The following DHX57 variants were observed in gnomAD, a reference collection of about 807,000 sequenced individuals.
DHX57 encodes the protein DExH-box helicase 57, also known as putative ATP-dependent RNA helicase DHX57.
A neutral mutation model predicts 156.2 loss-of-function variants in DHX57; 105 were observed. The observed-to-expected ratio is 0.67, with a 90% CI of 0.57 to 0.79. The LOEUF (loss-of-function observed/expected upper bound fraction) is 0.79. DHX57 is among the 30% of genes least tolerant of loss of function. The pLI is 0.00. For missense variants in DHX57, 1,847 were observed against 1,661.9 expected, an observed-to-expected ratio of 1.11 and a Z score of -1.94; for synonymous variants, 704 against 595.6, an observed-to-expected ratio of 1.18 and a Z score of -2.65.
chr2:38,822,207 C>T (rs912996162), intron 17 of DHX57, among the ~76,000 whole-genome samples: 4 of 151,886 alleles, frequency 2.6e-5, no homozygotes, highest in African/African-American at 4.8e-5. Flanking sequence ...CTCAGCCTCC[C>T]GAGTAGCTGA....
chr2:38,855,273 G>A (rs776100200), intron 7 of DHX57, 21 bp from the exon 8 acceptor site: 1 of 1,613,182 alleles, frequency 6.2e-7, no homozygotes, highest in Admixed American at 1.7e-5. Context: ...AAACAAATAA[G>A]TCCTAAAATG....
intron 17 of DHX57, among the ~76,000 whole-genome samples, chr2:38,821,991 G>T (rs1015101133): frequency 6.6e-6 from 1 of 152,108 alleles, no homozygotes; most frequent in Non-Finnish European, 1.5e-5. Context: ...TGAAGAGATT[G>T]AATTAATAAT....
intron 13 of DHX57, among the ~76,000 whole-genome samples, chr2:38,829,196 G>A (rs917219573): frequency 6.6e-6 from 1 of 151,892 alleles, no homozygotes; most frequent in Non-Finnish European, 1.5e-5. Flanking sequence ...ACCCGCCTCA[G>A]CCTACCAAAA....
chr2:38,822,330 C>T (rs1036433207), intron 17 of DHX57, among the ~76,000 whole-genome samples: 1 of 152,172 alleles, frequency 6.6e-6, no homozygotes, highest in African/African-American at 2.4e-5. Context: ...ATCCACCTGC[C>T]TCGGCCTCCC....
Position 38,798,308 on chromosome 2 carries a change from G to A in DHX57, c.4152C>T (p.Thr1384=), listed in dbSNP as rs937448278. The part of the protein sequence containing the change: ...RIISTIVKLV[T]TQ ...TCTCTAAGACTGCTTTTTATTGTGT[G>A]GTGACAAGTTTCACAATTGTGCTGA... The change falls in exon 24 of 24, where the codon ACC becomes ACT. Residue 1384 remains threonine (T), a synonymous_variant. Coordinates refer to ENST00000457308, the MANE Select transcript of DHX57 (RefSeq NM_198963.3). The A allele has an allele frequency of 6.2e-7, 1 of 1,612,488 alleles. No individual in the cohort carries two copies. Among genetic ancestry groups the A allele is most frequent in the Middle Eastern group, 1.7e-4 (1 of 6,052 alleles).
At chr2:38,810,431 G>A (rs1670180240) in intron 21 of DHX57, 1 of 526,334 alleles carries the variant, frequency 1.9e-6, no homozygotes, top group Non-Finnish European at 3.8e-6. Flanking sequence ...ATTGTACAGG[G>A]GTCTATTTGG....
intron 12 of DHX57, among the ~76,000 whole-genome samples, 179 bp downstream of exon 12, chr2:38,842,826 T>G (rs1672077140): frequency 6.6e-6 from 1 of 152,022 alleles, no homozygotes; most frequent in African/African-American, 2.4e-5. Flanking sequence ...GCAAATATAG[T>G]AACAATTGTA....
intron 22 of DHX57, chr2:38,806,338 G>A: frequency 2.1e-6 from 1 of 467,570 alleles, no homozygotes; most frequent in East Asian, 3.5e-5. Context: ...CTGAAAGCAG[G>A]CTTGAGTACT....
chr2:38,811,465 C>T (rs1255742875), intron 21 of DHX57: 3 of 651,158 alleles, frequency 4.6e-6, no homozygotes, highest in African/African-American at 1.8e-5. Context: ...TCCTTGCTGA[C>T]GTCCTCAATG....
chr2:38,868,862 G>T (rs1665216674), intron 1 of DHX57, among the ~76,000 whole-genome samples: 1 of 151,926 alleles, frequency 6.6e-6, no homozygotes, highest in Non-Finnish European at 1.5e-5. Context: ...GCCCAGGCCG[G>T]ATGATCTCAG....
intron 21 of DHX57, among the ~76,000 whole-genome samples, 188 bp from the exon 22 acceptor site, chr2:38,806,881 T>C (rs62755661): frequency 2.3e-5 from 3 of 132,168 alleles, no homozygotes; most frequent in South Asian, 5.0e-4. Context: ...TTTTTTTTTT[T>C]CCACCAAGAA....
intron 22 of DHX57, among the ~76,000 whole-genome samples, chr2:38,804,706 C>T (rs1669862547): frequency 6.6e-6 from 1 of 151,040 alleles, no homozygotes; most frequent in African/African-American, 2.4e-5. Flanking sequence ...TCATGCATTT[C>T]CTGGAACACA....
At chr2:38,798,727 T>G (rs1373248021) in intron 23 of DHX57, among the ~76,000 whole-genome samples, 1 of 148,410 alleles carries the variant, frequency 6.7e-6, no homozygotes, top group Non-Finnish European at 1.5e-5. Flanking sequence ...GGGCGGATCA[T>G]GAGATCAGGA....
intron 8 of DHX57, chr2:38,854,736 A>G: frequency 4.6e-6 from 1 of 217,524 alleles, no homozygotes; most frequent in Non-Finnish European, 9.2e-6. Flanking sequence ...TAATTTTTGT[A>G]TTTTTAGTAG....
chr2:38,813,531 T>C (rs950614907), intron 21 of DHX57, among the ~76,000 whole-genome samples: 1 of 151,352 alleles, frequency 6.6e-6, no homozygotes, highest in South Asian at 2.1e-4. Context: ...CCACCATGCC[T>C]GGCTAATTTT....
At chr2:38,843,420 A>G (rs988466598) in intron 11 of DHX57, among the ~76,000 whole-genome samples, 1 of 152,224 alleles carries the variant, frequency 6.6e-6, no homozygotes, top group Non-Finnish European at 1.5e-5. Flanking sequence ...AGACCAGCTA[A>G]GAATTTGGAG....
chr2:38,854,619 T>C (rs1672786913), intron 8 of DHX57: 1 of 162,046 alleles, frequency 6.2e-6, no homozygotes, highest in Non-Finnish European at 1.3e-5. Context: ...TGGAGTGCAA[T>C]GGCGCAATCT....
At chr2:38,870,149 T>G (rs1000350024) in intron 1 of DHX57, among the ~76,000 whole-genome samples, 1 of 151,990 alleles carries the variant, frequency 6.6e-6, no homozygotes, top group Non-Finnish European at 1.5e-5. Context: ...AGACTGACAT[T>G]GATTATGCAA....
intron 20 of DHX57, among the ~76,000 whole-genome samples, chr2:38,814,735 T>TC (rs1206494839): frequency 6.6e-6 from 1 of 151,790 alleles, no homozygotes; most frequent in East Asian, 1.9e-4. Context: ...CCTGTTTTTT[T>TC]TTTTGAGACA....
Sources: allele counts gnomAD v4.1 joint callset (sites outside exome capture counted in the v4.1 genomes callset), GRCh38; gene constraint gnomAD v4.1.1; transcripts MANE v1.5; gene names NCBI Gene and HGNC (gene_info 2026-07-23, HGNC 2026-07-21).